CCL28: variants seen among roughly 807,000 people sequenced by gnomAD.
CCL28 encodes the protein C-C motif chemokine 28.
A neutral mutation model predicts 7.1 loss-of-function variants in CCL28; 4 were observed. The ratio of observed to expected loss-of-function variants is 0.56; its 90% confidence interval spans 0.28 to 1.29. The LOEUF is 1.29. Among genes scored for constraint, CCL28 ranks in the 50% most tolerant of loss-of-function variants. The pLI, the probability that CCL28 is intolerant of heterozygous loss-of-function variation, is 0.11. For missense variants in CCL28, 151 were observed against 163.4 expected (o/e 0.92, Z 0.41); for synonymous variants, 55 against 57.8 (o/e 0.95, Z 0.22).
downstream of CCL28, among the ~76,000 whole-genome samples, chr5:43,372,770 C>CT (rs879466483): frequency 1.2e-3 from 164 of 133,668 alleles, no homozygotes; most frequent in Admixed American, 1.9e-3. Flanking sequence ...TATGAACATT[C>CT]TTTTTTTTTT....
At chr5:43,375,684 A>G (rs1739876221), downstream of CCL28, among the ~76,000 whole-genome samples, 1 of 152,162 alleles carries the variant, frequency 6.6e-6, no homozygotes, top group Admixed American at 6.5e-5. Context: ...TAAAGGCAAG[A>G]ATAGTAGGCT....
chr5:43,369,028 AAGAGAGAAAG>A, the CCL28 span, among the ~76,000 whole-genome samples: 1 of 26,086 alleles, frequency 3.8e-5, no homozygotes, highest in African/African-American at 2.1e-4. Flanking sequence ...GGGAGAGAGA[AAGAGAGAAAG>A]AGAGAGAGAG....
At chr5:43,394,898 T>A (rs1740734114) in intron 1 of CCL28, among the ~76,000 whole-genome samples, 1 of 151,734 alleles carries the variant, frequency 6.6e-6, no homozygotes, top group Non-Finnish European at 1.5e-5. Flanking sequence ...TTATTCATAA[T>A]ATATTAATTT....
chr5:43,359,132 G>A, the CCL28 span, among the ~76,000 whole-genome samples: 1 of 152,194 alleles, frequency 6.6e-6, no homozygotes, highest in African/African-American at 2.4e-5. Context: ...TAAATGATAA[G>A]CTCCTGAGAC....
At chr5:43,405,708 G>T (rs1561168134) in intron 1 of CCL28, among the ~76,000 whole-genome samples, 1 of 152,184 alleles carries the variant, frequency 6.6e-6, no homozygotes, top group East Asian at 1.9e-4. Flanking sequence ...GAATCCAGGA[G>T]CTGGTTTTTT....
intron 2 of CCL28, among the ~76,000 whole-genome samples, chr5:43,383,198 AT>A (rs35397424): frequency 6.6e-6 from 1 of 151,970 alleles, no homozygotes; most frequent in Non-Finnish European, 1.5e-5. Flanking sequence ...AACTAGAATA[AT>A]TTTTTTTGTT....
intron 2 of CCL28, among the ~76,000 whole-genome samples, chr5:43,383,400 T>G (rs3756416): frequency 0.53 from 80,696 of 151,788 alleles, 22,199 homozygotes; most frequent in Middle Eastern, 0.67. Flanking sequence ...ATGACGCAAG[T>G]TGAATCTTTT....
chr5:43,365,590 A>G, the CCL28 span, among the ~76,000 whole-genome samples: 8 of 151,878 alleles, frequency 5.3e-5, no homozygotes, highest in African/African-American at 1.9e-4. Flanking sequence ...ATCTCTCAGC[A>G]TTTTTTCCTT....
intron 1 of CCL28, among the ~76,000 whole-genome samples, chr5:43,407,892 C>T (rs555968936): frequency 7.9e-5 from 12 of 152,328 alleles, no homozygotes; most frequent in Admixed American, 7.8e-4. Context: ...TGAAAAAATG[C>T]TCATCATCAC....
At chr5:43,358,428 C>T in the CCL28 span, among the ~76,000 whole-genome samples, 1 of 152,174 alleles carries the variant, frequency 6.6e-6, no homozygotes, top group Non-Finnish European at 1.5e-5. Flanking sequence ...AGGGGACTTG[C>T]TTATGTCAGC....
At chr5:43,360,771 G>T in the CCL28 span, among the ~76,000 whole-genome samples, 4 of 151,908 alleles carry the variant, frequency 2.6e-5, no homozygotes, top group South Asian at 2.1e-4. Context: ...CTTTCTAATG[G>T]TTTTTTTCTT....
In CCL28 at chr5:43,410,558, G is replaced by A. The variant is rs758830145; in HGVS notation, c.64+1695C>T. Among the ~76,000 whole-genome samples, 14 of 151,930 alleles carry A rather than the reference G, an allele frequency of 9.2e-5. No homozygotes were observed. In the East Asian group the frequency reaches 1.7e-3, roughly 19 times the overall value. On this transcript the variant is annotated intron_variant, in intron 1 of 2. Coordinates refer to ENST00000361115, the MANE Select transcript of CCL28 (RefSeq NM_148672.3). ...CTGCATTTTGCCGTTCCACCCCACC[G>A]TCTCTACCAGGACTCAGTCCCATGT...
At chr5:43,367,391 C>T in the CCL28 span, among the ~76,000 whole-genome samples, 7 of 152,178 alleles carry the variant, frequency 4.6e-5, no homozygotes, top group South Asian at 2.1e-4. Context: ...TCTTGGTCTG[C>T]GGGTTGTGAA....
chr5:43,372,865 C>A (rs974334285), downstream of CCL28, among the ~76,000 whole-genome samples: 19 of 150,790 alleles, frequency 1.3e-4, no homozygotes, highest in African/African-American at 4.6e-4. Flanking sequence ...GTGGTATGAT[C>A]TTTCCTCACT....
chr5:43,357,692 A>T, the CCL28 span, among the ~76,000 whole-genome samples: 4 of 152,296 alleles, frequency 2.6e-5, no homozygotes, highest in Admixed American at 2.6e-4. Flanking sequence ...AGGGGGGGAA[A>T]AAAAAGGGAA....
the CCL28 span, among the ~76,000 whole-genome samples, chr5:43,370,328 A>G: frequency 4.4e-4 from 67 of 152,216 alleles, no homozygotes; most frequent in African/African-American, 1.6e-3. Flanking sequence ...CTCACACATC[A>G]TATCGCTTAA....
At chr5:43,404,215 C>T (rs1431953618) in intron 1 of CCL28, among the ~76,000 whole-genome samples, 1 of 152,088 alleles carries the variant, frequency 6.6e-6, no homozygotes, top group Non-Finnish European at 1.5e-5. Context: ...GTCAGATTCA[C>T]CAAAGTTGAA....
intron 2 of CCL28, among the ~76,000 whole-genome samples, chr5:43,387,297 AACCTGAGT>A (rs1740380702): frequency 1.3e-5 from 2 of 152,222 alleles, no homozygotes; most frequent in African/African-American, 4.8e-5. Context: ...TGAACCGTGT[AACCTGAGT>A]CACAGCTTTC....
chr5:43,398,320 G>A (rs769616277), intron 1 of CCL28, among the ~76,000 whole-genome samples: 1 of 152,046 alleles, frequency 6.6e-6, no homozygotes, highest in Admixed American at 6.6e-5. Flanking sequence ...ACCTCCTGGC[G>A]TCAAGTGATC....
Sources: allele counts gnomAD v4.1 joint callset (sites outside exome capture counted in the v4.1 genomes callset), GRCh38; gene constraint gnomAD v4.1.1; transcripts MANE v1.5; gene names NCBI Gene and HGNC (gene_info 2026-07-23, HGNC 2026-07-21).